The following ST6GAL2 variants were observed in gnomAD, a reference collection of about 807,000 sequenced individuals.
ST6GAL2 encodes ST6 beta-galactoside alpha-2,6-sialyltransferase 2, also known as beta-galactoside alpha-2,6-sialyltransferase 2.
In ST6GAL2, 24 loss-of-function variants were observed where a neutral mutation model predicts 37.5. That is an observed-to-expected ratio of 0.64 (90% CI 0.46 to 0.90). The LOEUF (loss-of-function observed/expected upper bound fraction) is 0.90, where lower values mean the gene tolerates loss of function less well. Ranked by LOEUF, ST6GAL2 falls within the 40% of genes least tolerant of loss-of-function variation. The pLI is 0.00. For missense variants in ST6GAL2, 715 were observed against 712.7 expected, an observed-to-expected ratio of 1.00 and a Z score of -0.04; for synonymous variants, 306 against 295.1, an observed-to-expected ratio of 1.04 and a Z score of -0.38.
At chr2:106,869,670 GGTTT>G (rs1038302383) in intron 1 of ST6GAL2, among the ~76,000 whole-genome samples, 2 of 152,180 alleles carry the variant, frequency 1.3e-5, no homozygotes, top group Non-Finnish European at 2.9e-5. Context: ...GGGAAGAAAG[GGTTT>G]GTTTGTTTTT....
intron 1 of ST6GAL2, among the ~76,000 whole-genome samples, chr2:106,882,018 G>C (rs990713102): frequency 1.3e-5 from 2 of 152,084 alleles, no homozygotes; most frequent in African/African-American, 4.8e-5. Flanking sequence ...GACATGCTTC[G>C]TATCAGCCCA....
chr2:106,867,101 C>A (rs1385802708), intron 1 of ST6GAL2, among the ~76,000 whole-genome samples: 1 of 152,088 alleles, frequency 6.6e-6, no homozygotes, highest in Non-Finnish European at 1.5e-5. Flanking sequence ...AAGGAAAGGG[C>A]AAAACATTTT....
chr2:106,881,396 G>A (rs1484472426), intron 1 of ST6GAL2, among the ~76,000 whole-genome samples: 3 of 152,156 alleles, frequency 2.0e-5, no homozygotes, highest in Admixed American at 2.0e-4. Context: ...TAAATGTACA[G>A]TTCCATTTTG....
intron 1 of ST6GAL2, among the ~76,000 whole-genome samples, chr2:106,868,240 T>A (rs549802624): frequency 6.6e-6 from 1 of 152,288 alleles, no homozygotes; most frequent in Admixed American, 6.5e-5. Flanking sequence ...GGAATACGGT[T>A]AATTTTTTTC....
intron 1 of ST6GAL2, among the ~76,000 whole-genome samples, chr2:106,881,191 T>C (rs770056317): frequency 3.9e-5 from 6 of 152,158 alleles, no homozygotes; most frequent in Admixed American, 1.3e-4. Flanking sequence ...GGTCTTGTTA[T>C]GTTGCCCAGG....
intron 2 of ST6GAL2, among the ~76,000 whole-genome samples, chr2:106,841,637 G>C (rs1676888536): frequency 6.6e-6 from 1 of 152,144 alleles, no homozygotes. Flanking sequence ...CTGAGGGAGA[G>C]CCCAGCTATG....
intron 1 of ST6GAL2, among the ~76,000 whole-genome samples, chr2:106,876,168 A>G (rs1265449432): frequency 1.3e-5 from 2 of 152,152 alleles, no homozygotes; most frequent in African/African-American, 4.8e-5. Flanking sequence ...TTTTTCATAT[A>G]AATATTATAT....
In ST6GAL2 at chr2:106,843,790, C is replaced by T. The variant is rs1677030793; in HGVS notation, c.188G>A (p.Gly63Asp). The T allele has an allele frequency of 1.9e-6, 3 of 1,610,646 alleles. No homozygotes were observed. The highest frequency in any genetic ancestry group is 2.5e-6 in the Non-Finnish European group (3 of 1,178,352). Reference sequence around the variant, plus strand: ...AGGCGGGGAGGGCTCATGTGCGGCGCCCATGATGGCCCGCTGCTTCCCCTG... The same window carrying T: ...AGGCGGGGAGGGCTCATGTGCGGCGTCCATGATGGCCCGCTGCTTCCCCTG... Reference protein sequence around the residue: ...PVQGKQRAIMGAAHEPSPPGG... With the variant: ...PVQGKQRAIMDAAHEPSPPGG... Residue 63 changes from glycine (G) to aspartate (D), a missense_variant, in exon 2 of 6, where the codon GGC becomes GAC. Transcript: ENST00000409382.
chr2:106,850,004 G>A (rs1035894610), intron 1 of ST6GAL2, among the ~76,000 whole-genome samples: 7 of 152,252 alleles, frequency 4.6e-5, no homozygotes, highest in African/African-American at 7.2e-5. Context: ...TCGGGCACAC[G>A]TTCTCAGGAC....
At chr2:106,859,417 T>C (rs1167637267) in intron 1 of ST6GAL2, among the ~76,000 whole-genome samples, 1 of 152,222 alleles carries the variant, frequency 6.6e-6, no homozygotes, top group Non-Finnish European at 1.5e-5. Context: ...CAGATCCACA[T>C]AATCAATAAA....
At chr2:106,860,460 A>G (rs1677751791) in intron 1 of ST6GAL2, among the ~76,000 whole-genome samples, 1 of 152,204 alleles carries the variant, frequency 6.6e-6, no homozygotes, top group African/African-American at 2.4e-5. Flanking sequence ...AAATTTAAGC[A>G]GGGAACAAAT....
At chr2:106,871,306 G>A (rs1465903780) in intron 1 of ST6GAL2, among the ~76,000 whole-genome samples, 1 of 152,188 alleles carries the variant, frequency 6.6e-6, no homozygotes, top group Admixed American at 6.5e-5. Context: ...TCAGTCAGTG[G>A]TGAGTGGATG....
At chr2:106,877,030 T>C (rs921029713) in intron 1 of ST6GAL2, among the ~76,000 whole-genome samples, 4 of 152,204 alleles carry the variant, frequency 2.6e-5, no homozygotes, top group African/African-American at 9.7e-5. Context: ...ATGACATGTT[T>C]CTTTGTACCA....
intron 1 of ST6GAL2, among the ~76,000 whole-genome samples, chr2:106,869,743 C>G (rs1678184116): frequency 6.6e-6 from 1 of 152,130 alleles, no homozygotes; most frequent in South Asian, 2.1e-4. Flanking sequence ...GGGGGGCATC[C>G]AAGTCTAATG....
intron 1 of ST6GAL2, among the ~76,000 whole-genome samples, chr2:106,857,776 T>C (rs897975030): frequency 2.6e-5 from 4 of 152,142 alleles, no homozygotes; most frequent in Admixed American, 6.5e-5. Context: ...GTGTTCTCTG[T>C]CCGTAGAGTG....
chr2:106,806,488 A>C lies in ST6GAL2; in HGVS notation c.*190T>G, dbSNP rs1675417830. The C allele has an allele frequency of 3.0e-6, 2 of 660,240 alleles. No individual in the cohort carries two copies. Among genetic ancestry groups the C allele is most frequent in the Non-Finnish European group, 4.8e-6 (2 of 413,302 alleles). The allele number at this position is 660,240 out of a possible 1,614,324, so 40.9% of individuals were successfully genotyped here. Reference sequence around the variant, plus strand: ...TTCTTGAGCCTTATTTTTTTAAAAAAACCATTTCTATGTTCAAAGCAGTAA... The same window carrying C: ...TTCTTGAGCCTTATTTTTTTAAAAACACCATTTCTATGTTCAAAGCAGTAA... On this transcript the variant is annotated 3_prime_UTR_variant, in exon 6 of 6. Coordinates refer to ENST00000409382, the MANE Select transcript of ST6GAL2 (RefSeq NM_001142351.2).
chr2:106,831,192 C>A (rs1004630257), intron 4 of ST6GAL2, among the ~76,000 whole-genome samples: 4 of 152,162 alleles, frequency 2.6e-5, no homozygotes, highest in Non-Finnish European at 5.9e-5. Context: ...ATAAATGAAG[C>A]CCCAAGCCAT....
chr2:106,861,699 C>T (rs952430905), intron 1 of ST6GAL2, among the ~76,000 whole-genome samples: 6 of 151,318 alleles, frequency 4.0e-5, no homozygotes, highest in Admixed American at 6.6e-5. Flanking sequence ...GCCGTGATCT[C>T]GGCTAACTTC....
At chr2:106,877,071 T>C (rs996739337) in intron 1 of ST6GAL2, among the ~76,000 whole-genome samples, 1 of 152,224 alleles carries the variant, frequency 6.6e-6, no homozygotes, top group Non-Finnish European at 1.5e-5. Flanking sequence ...TTTGACATCA[T>C]GCAGAGATGT....
Sources: allele counts gnomAD v4.1 joint callset (sites outside exome capture counted in the v4.1 genomes callset), GRCh38; gene constraint gnomAD v4.1.1; transcripts MANE v1.5; gene names NCBI Gene and HGNC (gene_info 2026-07-23, HGNC 2026-07-21).